CEP126: variants seen among roughly 807,000 people sequenced by gnomAD.
CEP126 encodes the protein centrosomal protein 126.
CEP126 carries 74 observed loss-of-function variants against 107.8 expected under a neutral mutation model. That is an observed-to-expected ratio of 0.69 (90% CI 0.57 to 0.83). The LOEUF is 0.83. CEP126 is among the 40% of genes least tolerant of loss of function. CEP126 has a pLI of 0.00. For missense variants in CEP126, 1,237 were observed against 1,281.9 expected, an observed-to-expected ratio of 0.96 and a Z score of 0.53; for synonymous variants, 449 against 446.0, an observed-to-expected ratio of 1.01 and a Z score of -0.08.
chr11:101,958,191 C>T lies in CEP126; in HGVS notation c.530C>T (p.Ser177Phe). ...AGAGCTATAGATTCTGCCTTGCCTT[C>T]CGCATTATCAAAAAATGATCACAAG... ...NWRAIDSALPSALSKNDHKHQ... is the reference protein window; with the variant it reads ...NWRAIDSALPFALSKNDHKHQ... The change falls in exon 5 of 11, where the codon TCC becomes TTC. Residue 177 changes from serine to phenylalanine, a missense_variant. By Grantham distance (155) the Ser-to-Phe change is radical (BLOSUM62 -2). Transcript: ENST00000263468. 6.2e-7 allele frequency: 1 copy of T among 1,613,840 alleles called. No individual in the cohort carries two copies. Among genetic ancestry groups the T allele is most frequent in the South Asian group, 1.1e-5 (1 of 91,070 alleles).
intron 9 of CEP126, among the ~76,000 whole-genome samples, chr11:101,987,365 C>G (rs1327229356): frequency 6.6e-6 from 1 of 151,998 alleles, no homozygotes; most frequent in Non-Finnish European, 1.5e-5. Flanking sequence ...TTTTTTAAAC[C>G]TGCAATATAG....
At chr11:101,994,104 G>T (rs1367771748) in intron 10 of CEP126, among the ~76,000 whole-genome samples, 1 of 152,140 alleles carries the variant, frequency 6.6e-6, no homozygotes, top group Non-Finnish European at 1.5e-5. Flanking sequence ...GCGTGGTGGT[G>T]TGCACCTGTA....
chr11:101,978,296 T>C lies in CEP126; in HGVS notation c.2846-51T>C, dbSNP rs1464270584. 4 of 1,201,384 alleles carry C rather than the reference T, an allele frequency of 3.3e-6. No individual in the cohort carries two copies. The South Asian group carries it at 3.8e-5, about 12-fold the overall frequency. The allele number at this position is 1,201,384 out of a possible 1,614,324, so 74.4% of individuals were successfully genotyped here. A position where few individuals can be genotyped will look rare whatever the true frequency, so the allele number is the denominator to read the frequency against. On this transcript the variant is annotated intron_variant, in intron 6 of 10. Transcript: ENST00000263468. ...CTTGAAAATTTGCAGTGGGTATATA[T>C]TGGCTACTCAACTAGCATAATTTTT... is the stretch of plus-strand genomic sequence containing the variant.
Position 101,978,462 on chromosome 11 carries a change from A to C in CEP126, c.2958+3A>C. ...AGAAGTACAGTGAGCAAATTAATGT[A>C]AGTATGGTATTAATCAAAATCTCTA... is the stretch of plus-strand genomic sequence containing the variant. On this transcript the variant is annotated splice_donor_region_variant and intron_variant, in intron 7 of 10. Transcript: ENST00000263468. 1 of 1,547,480 alleles carries C rather than the reference A, an allele frequency of 6.5e-7. No individual in the cohort carries two copies. The highest frequency in any genetic ancestry group is 8.9e-7 in the Non-Finnish European group (1 of 1,121,400).
At chr11:101,985,992 CT>C (rs1402873159) in intron 8 of CEP126, among the ~76,000 whole-genome samples, 35 of 98,080 alleles carry the variant, frequency 3.6e-4, no homozygotes, top group South Asian at 6.0e-4. Flanking sequence ...GAATTGATTT[CT>C]TTTTTTTTTT....
At chr11:101,967,355 A>C in intron 6 of CEP126, among the ~76,000 whole-genome samples, 1 of 150,792 alleles carries the variant, frequency 6.6e-6, no homozygotes, top group African/African-American at 2.4e-5. Flanking sequence ...AATATCCTAA[A>C]CTCTTTGCCT....
At chr11:101,922,136 A>G (rs183774108) in intron 1 of CEP126, among the ~76,000 whole-genome samples, 134 of 148,974 alleles carry the variant, frequency 9.0e-4, no homozygotes, top group Admixed American at 8.0e-3. Context: ...AAAGTGAGCT[A>G]TATCTTACTT....
intron 8 of CEP126, among the ~76,000 whole-genome samples, chr11:101,983,430 G>A (rs971714527): frequency 1.3e-5 from 2 of 152,150 alleles, no homozygotes; most frequent in Non-Finnish European, 1.5e-5. Flanking sequence ...TCAAAGAGTG[G>A]ATCCATCAGC....
rs192867783 is a variant in CEP126, at chr11:101,972,287, G to A, written c.2846-6060G>A. Among the ~76,000 whole-genome samples the A allele has an allele frequency of 7.9e-3, 1,197 of 151,758 alleles. 22 individuals carry two copies. Among genetic ancestry groups the A allele is most frequent in the African/African-American group, 0.027 (1,131 of 41,334 alleles). ...TAAAAATACAAAAAATTAGCCGGGCGTGGTAGAGGGCGCCTGTAGTCCCAG... is the reference window on the plus strand; with the variant it reads ...TAAAAATACAAAAAATTAGCCGGGCATGGTAGAGGGCGCCTGTAGTCCCAG... On this transcript the variant is annotated intron_variant, in intron 6 of 10. Transcript: ENST00000263468.
At chr11:101,972,433 AC>A (rs1941142639) in intron 6 of CEP126, among the ~76,000 whole-genome samples, 1 of 151,714 alleles carries the variant, frequency 6.6e-6, no homozygotes, top group Non-Finnish European at 1.5e-5. Context: ...CTCAAAAAAA[AC>A]AATACCTACA....
chr11:101,972,599 G>A (rs994084166), intron 6 of CEP126, among the ~76,000 whole-genome samples: 7 of 151,896 alleles, frequency 4.6e-5, no homozygotes, highest in Non-Finnish European at 7.4e-5. Flanking sequence ...TCAGGAGTTC[G>A]AGACCAGCCT....
At position 101,997,642 on chromosome 11, in the gene CEP126, A is replaced by G. The variant is rs1248413928; in HGVS notation, c.3353A>G (p.Ter1118=). The change falls in exon 11 of 11, where the codon TAA becomes TGA. Residue 1118 remains the stop codon, a stop_retained_variant. Transcript: ENST00000263468. ...DRTSSCRDKR[*] Reference sequence around the variant, plus strand: ...ACCAGCAGCTGCAGAGACAAGAGATAATTCCAGCAGAATCCGTCTAAGAAG... The same window carrying G: ...ACCAGCAGCTGCAGAGACAAGAGATGATTCCAGCAGAATCCGTCTAAGAAG... 1 of 1,613,974 alleles carries G rather than the reference A, an allele frequency of 6.2e-7. No individual in the cohort carries two copies. The highest frequency in any genetic ancestry group is 8.5e-7 in the Non-Finnish European group (1 of 1,179,910).
intron 2 of CEP126, among the ~76,000 whole-genome samples, chr11:101,938,638 A>G (rs1054578808): frequency 5.9e-5 from 9 of 152,068 alleles, no homozygotes; most frequent in Admixed American, 5.2e-4. Context: ...TCTTGAGGCC[A>G]GGAGTCAAGA....
intron 2 of CEP126, among the ~76,000 whole-genome samples, chr11:101,941,168 C>T (rs1405699982): frequency 6.6e-6 from 1 of 152,134 alleles, no homozygotes; most frequent in Non-Finnish European, 1.5e-5. Context: ...TATTTAATCG[C>T]TTTTGTTTTC....
At chr11:101,928,657 C>T (rs1940446849) in intron 2 of CEP126, among the ~76,000 whole-genome samples, 5 of 152,058 alleles carry the variant, frequency 3.3e-5, no homozygotes, top group African/African-American at 1.2e-4. Context: ...GCTACCTTTC[C>T]TCCATGAATT....
Position 102,000,874 on chromosome 11 carries a change from T to C in CEP126, c.*3231T>C, listed in dbSNP as rs1941500593. ...TTACCATGAACTTATTTTAAATCCA[T>C]ATTGTACCAGAATGACTATGTCTGT... On this transcript the variant is annotated 3_prime_UTR_variant, in exon 11 of 11. Transcript: ENST00000263468. 1.3e-5 allele frequency: 2 copies of C among 152,196 alleles called. No homozygotes were observed. Among genetic ancestry groups the C allele is most frequent in the Admixed American group, 1.3e-4 (2 of 15,278 alleles). The allele number at this position is 152,196 out of a possible 1,614,324, so 9.4% of individuals were successfully genotyped here. A position where few individuals can be genotyped will look rare whatever the true frequency, so the allele number is the denominator to read the frequency against.
intron 4 of CEP126, 24 bp downstream of exon 4, chr11:101,948,166 T>C: frequency 7.5e-7 from 1 of 1,340,220 alleles, no homozygotes; most frequent in Non-Finnish European, 1.1e-6. Flanking sequence ...GATCATTGTA[T>C]ACAATTATTA....
intron 1 of CEP126, 147 bp downstream of exon 1, chr11:101,915,559 G>T: frequency 7.3e-6 from 8 of 1,091,576 alleles, no homozygotes; most frequent in Non-Finnish European, 7.8e-6. Context: ...CAACTGTCGT[G>T]TCTCACCTTA....
In CEP126 at chr11:101,963,570, A is replaced by C. The variant is rs1417160870; in HGVS notation, c.2535A>C (p.Pro845=). 1.9e-6 allele frequency: 3 copies of C among 1,614,078 alleles called. No homozygotes were observed. Among genetic ancestry groups the C allele is most frequent in the Non-Finnish European group, 2.5e-6 (3 of 1,180,032 alleles). ...HNSFNSKHVL[P]TEHSLNQWNQ... is the part of the protein sequence containing the mutation. ...CTTTTAATTCAAAACATGTGCTTCC[A>C]ACAGAACACAGTTTGAATCAGTGGA... The change falls in exon 6 of 11, where the codon CCA becomes CCC. Residue 845 remains proline, a synonymous_variant. Coordinates refer to ENST00000263468, the MANE Select transcript of CEP126 (RefSeq NM_020802.4).
Sources: allele counts gnomAD v4.1 joint callset (sites outside exome capture counted in the v4.1 genomes callset), GRCh38; gene constraint gnomAD v4.1.1; transcripts MANE v1.5; gene names NCBI Gene and HGNC (gene_info 2026-07-23, HGNC 2026-07-21).